PPP1R12A: variants seen among roughly 807,000 people sequenced by gnomAD.
PPP1R12A encodes protein phosphatase 1 regulatory subunit 12A, also known as myosin binding subunit.
A neutral mutation model predicts 139.6 loss-of-function variants in PPP1R12A; 19 were observed. That is an observed-to-expected ratio of 0.14 (90% CI 0.09 to 0.20). The LOEUF (loss-of-function observed/expected upper bound fraction) is 0.20, where lower values mean the gene tolerates loss of function less well. Ranked by LOEUF, PPP1R12A falls within the 10% of genes least tolerant of loss-of-function variation. The pLI is 1.00. For missense variants in PPP1R12A, 925 were observed against 1,211.5 expected, an observed-to-expected ratio of 0.76 and a Z score of 3.51; for synonymous variants, 427 against 420.6, an observed-to-expected ratio of 1.02 and a Z score of -0.19.
Position 79,775,871 on chromosome 12 carries a change from T to C in PPP1R12A, c.*58A>G, listed in dbSNP as rs1475705890. 2 of 1,249,346 alleles carry C rather than the reference T, an allele frequency of 1.6e-6. No homozygotes were observed. Among genetic ancestry groups the C allele is most frequent in the African/African-American group, 1.5e-5 (1 of 64,990 alleles). 77.4% of individuals were successfully genotyped at this position (1,249,346 alleles called of 1,614,324 possible). On this transcript the variant is annotated 3_prime_UTR_variant, in exon 25 of 25. Coordinates refer to ENST00000450142, the MANE Select transcript of PPP1R12A (RefSeq NM_002480.3). ...TTCCCAGACTTCCAGTGACTGCCAATTATGGTCCACTGGGTTACTAATATG... is the reference window on the plus strand; with the variant it reads ...TTCCCAGACTTCCAGTGACTGCCAACTATGGTCCACTGGGTTACTAATATG...
intron 5 of PPP1R12A, among the ~76,000 whole-genome samples, chr12:79,824,758 T>C (rs1876560354): frequency 1.3e-5 from 2 of 152,118 alleles, no homozygotes; most frequent in Non-Finnish European, 2.9e-5. Flanking sequence ...AACACATTTA[T>C]AGTATATAAG....
rs1381589393 is a variant in PPP1R12A, at chr12:79,802,861, G to A, written c.2000+2731C>T. 5.3e-5 allele frequency among the ~76,000 whole-genome samples: 8 copies of A among 152,150 alleles called. No homozygotes were observed. In the South Asian group the frequency reaches 1.5e-3, roughly 28 times the overall value. ...AGCTGCTCTGAAACTAAATATGAAC[G>A]TGAACTACTGTCAAATTTGACTACA... On this transcript the variant is annotated intron_variant, in intron 14 of 24. Coordinates refer to ENST00000450142, the MANE Select transcript of PPP1R12A (RefSeq NM_002480.3).
At chr12:79,917,617 T>G (rs1887106459) in intron 1 of PPP1R12A, among the ~76,000 whole-genome samples, 2 of 152,080 alleles carry the variant, frequency 1.3e-5, no homozygotes, top group Admixed American at 6.6e-5. Context: ...ACTTTCCTCA[T>G]TAACTGCAAC....
In PPP1R12A at chr12:79,781,168, A is replaced by G. The variant is rs1033491093; in HGVS notation, c.2955+647T>C. 3.3e-5 allele frequency among the ~76,000 whole-genome samples: 5 copies of G among 152,256 alleles called. No individual in the cohort carries two copies. In the East Asian group the frequency reaches 7.7e-4, roughly 24 times the overall value. On this transcript the variant is annotated intron_variant, in intron 23 of 24. Transcript: ENST00000450142. ...TTTCAACTGATGAGGCTAAACTTGT[A>G]CAGTTATTCCTATGACTACTCCTAG...
intron 22 of PPP1R12A, among the ~76,000 whole-genome samples, chr12:79,782,837 A>C (rs183254532): frequency 6.6e-6 from 1 of 152,328 alleles, no homozygotes; most frequent in East Asian, 1.9e-4. Flanking sequence ...TGCTAACCAC[A>C]AAATATGCTT....
intron 9 of PPP1R12A, among the ~76,000 whole-genome samples, chr12:79,812,391 C>CGTGTGT (rs1156924649): frequency 0.022 from 3,002 of 134,550 alleles, 56 homozygotes; most frequent in African/African-American, 0.038. Flanking sequence ...TCTGTGTGTG[C>CGTGTGT]GTGTGTGTGT....
chr12:79,851,013 T>C (rs961632823), intron 2 of PPP1R12A, among the ~76,000 whole-genome samples: 1 of 152,230 alleles, frequency 6.6e-6, no homozygotes, highest in African/African-American at 2.4e-5. Flanking sequence ...TTCATAGCAG[T>C]GCAAGATTGG....
intron 1 of PPP1R12A, among the ~76,000 whole-genome samples, chr12:79,913,350 C>T (rs1045417209): frequency 1.3e-5 from 2 of 152,186 alleles, no homozygotes; most frequent in Non-Finnish European, 2.9e-5. Flanking sequence ...GATCTACAAT[C>T]CAACTGGAAT....
intron 1 of PPP1R12A, among the ~76,000 whole-genome samples, chr12:79,873,181 T>C (rs1000213578): frequency 1.3e-5 from 2 of 152,118 alleles, no homozygotes; most frequent in African/African-American, 4.8e-5. Flanking sequence ...CAACCCAATC[T>C]GGATAACAAG....
intron 23 of PPP1R12A, among the ~76,000 whole-genome samples, chr12:79,780,904 T>C (rs1870365884): frequency 2.6e-5 from 4 of 152,228 alleles, no homozygotes; most frequent in African/African-American, 9.6e-5. Context: ...ACTATTTTTA[T>C]ATTCTTTTTT....
chr12:79,805,932 CAA>C, intron 13 of PPP1R12A, 164 bp from the exon 14 acceptor site: 1 of 941,512 alleles, frequency 1.1e-6, no homozygotes, highest in Non-Finnish European at 1.5e-6. Flanking sequence ...CCAGAGTTGT[CAA>C]AGAGAGAAAT....
chr12:79,814,756 A>G (rs1875099128), intron 9 of PPP1R12A, among the ~76,000 whole-genome samples: 1 of 132,280 alleles, frequency 7.6e-6, no homozygotes. Flanking sequence ...TGGAGGTTGC[A>G]GTGAGCCGAG....
intron 1 of PPP1R12A, among the ~76,000 whole-genome samples, chr12:79,884,831 A>C (rs1253740715): frequency 1.3e-5 from 2 of 152,166 alleles, no homozygotes; most frequent in East Asian, 3.8e-4. Flanking sequence ...TTGAGTTGTA[A>C]ACTGATTCAA....
chr12:79,800,775 C>T (rs1277027816), intron 14 of PPP1R12A, among the ~76,000 whole-genome samples: 3 of 150,914 alleles, frequency 2.0e-5, no homozygotes, highest in Non-Finnish European at 4.4e-5. Flanking sequence ...GCTCTGTCGC[C>T]CAGGCTAGAG....
At chr12:79,915,532 C>G (rs1475573068) in intron 1 of PPP1R12A, among the ~76,000 whole-genome samples, 1 of 152,128 alleles carries the variant, frequency 6.6e-6, no homozygotes, top group South Asian at 2.1e-4. Flanking sequence ...TTGTCAGACA[C>G]CAGGCTTGCT....
chr12:79,796,938 A>G lies in PPP1R12A; in HGVS notation c.2305T>C (p.Tyr769His), dbSNP rs1872568094. Residue 769 changes from tyrosine to histidine, a missense_variant, in exon 17 of 25, where the codon TAT (tyrosine) becomes CAT (histidine). This residue lies in a region of PPP1R12A where 315 missense variants were observed against 363.4 expected (regional missense o/e 0.87). Coordinates refer to ENST00000450142, the MANE Select transcript of PPP1R12A (RefSeq NM_002480.3). ...SRTYDETYQR[Y>H]RPVSTSSSTT... ...GAACTTGAAGTTGATACTGGCCTATAACGCTGGTAAGTCTGTGAAACATTA... is the reference window on the plus strand; with the variant it reads ...GAACTTGAAGTTGATACTGGCCTATGACGCTGGTAAGTCTGTGAAACATTA... 1 of 1,609,460 alleles carries G rather than the reference A, an allele frequency of 6.2e-7. No individual in the cohort carries two copies.
chr12:79,914,025 G>A (rs185605243), intron 1 of PPP1R12A: 42 of 152,136 alleles, frequency 2.8e-4, no homozygotes, highest in African/African-American at 8.9e-4. Context: ...AATGTAAAAC[G>A]ATGCCACTCT....
chr12:79,907,770 T>C (rs1886247637), intron 1 of PPP1R12A, among the ~76,000 whole-genome samples: 1 of 152,128 alleles, frequency 6.6e-6, no homozygotes, highest in African/African-American at 2.4e-5. Context: ...TGGTAGTGTG[T>C]GCCAGTAGTC....
At chr12:79,836,089 T>C (rs960472587) in intron 3 of PPP1R12A, among the ~76,000 whole-genome samples, 1 of 152,208 alleles carries the variant, frequency 6.6e-6, no homozygotes, top group African/African-American at 2.4e-5. Flanking sequence ...GAAGGAAACT[T>C]GAACAAGATT....
Sources: allele counts gnomAD v4.1 joint callset (sites outside exome capture counted in the v4.1 genomes callset), GRCh38; gene constraint gnomAD v4.1.1; regional missense constraint gnomAD v4.1.1; transcripts MANE v1.5; gene names NCBI Gene and HGNC (gene_info 2026-07-23, HGNC 2026-07-21).